ANO1: variants seen among roughly 807,000 people sequenced by gnomAD.
ANO1 encodes anoctamin 1, also known as anoctamin-1.
In ANO1, 59 loss-of-function variants were observed where a neutral mutation model predicts 124.0. The observed-to-expected ratio is 0.48, with a 90% CI of 0.39 to 0.59. The LOEUF (loss-of-function observed/expected upper bound fraction) is 0.59, where lower values mean the gene tolerates loss of function less well. Among genes scored for constraint, ANO1 ranks in the 20% least tolerant of loss-of-function variants. ANO1 has a pLI of 0.00. For synonymous variants in ANO1, 529 were observed against 532.0 expected, an observed-to-expected ratio of 0.99 and a Z score of 0.08; for missense variants, 1,059 against 1,328.0, an observed-to-expected ratio of 0.80 and a Z score of 3.15.
intron 8 of ANO1, among the ~76,000 whole-genome samples, chr11:70,121,178 C>G (rs1346656448): frequency 6.9e-6 from 1 of 144,004 alleles, no homozygotes; most frequent in East Asian, 2.3e-4. Flanking sequence ...CTCCCTCCCT[C>G]CTTCTCTCCC....
intron 1 of ANO1, among the ~76,000 whole-genome samples, chr11:69,990,435 A>C (rs1288404165): frequency 6.6e-6 from 1 of 152,212 alleles, no homozygotes; most frequent in Non-Finnish European, 1.5e-5. Flanking sequence ...GGCTATTTTG[A>C]AAATGCTGCA....
At chr11:70,106,495 C>G (rs1029041634) in intron 5 of ANO1, among the ~76,000 whole-genome samples, 1 of 152,162 alleles carries the variant, frequency 6.6e-6, no homozygotes, top group Non-Finnish European at 1.5e-5. Flanking sequence ...GACAACTACT[C>G]CTCATGACCA....
intron 2 of ANO1, among the ~76,000 whole-genome samples, chr11:70,091,224 G>T (rs894911587): frequency 6.6e-6 from 1 of 152,162 alleles, no homozygotes; most frequent in East Asian, 1.9e-4. Flanking sequence ...AGATTACAAC[G>T]AGCAAAGGGT....
At chr11:70,098,207 G>C (rs1476010566) in intron 2 of ANO1, among the ~76,000 whole-genome samples, 1 of 152,220 alleles carries the variant, frequency 6.6e-6, no homozygotes, top group African/African-American at 2.4e-5. Context: ...CGCAGGGCTG[G>C]GTGTTCTCCT....
At chr11:69,971,793 G>A in the ANO1 span, among the ~76,000 whole-genome samples, 1 of 152,112 alleles carries the variant, frequency 6.6e-6, no homozygotes, top group Non-Finnish European at 1.5e-5. Context: ...CTCCCCGTGT[G>A]TTTATGTAAC....
At chr11:70,053,992 T>A (rs1857393399) in intron 1 of ANO1, among the ~76,000 whole-genome samples, 1 of 152,246 alleles carries the variant, frequency 6.6e-6, no homozygotes, top group Non-Finnish European at 1.5e-5. Context: ...ACTGACATTA[T>A]CTTTTTCCTG....
At chr11:70,155,601 A>G (rs1158847031) in intron 14 of ANO1, among the ~76,000 whole-genome samples, 1 of 152,178 alleles carries the variant, frequency 6.6e-6, no homozygotes, top group African/African-American at 2.4e-5. Flanking sequence ...ACATTTGGCC[A>G]CTACCTCCCG....
the ANO1 span, among the ~76,000 whole-genome samples, chr11:69,976,553 A>AGGG: frequency 1.2e-5 from 1 of 86,112 alleles, no homozygotes; most frequent in Non-Finnish European, 2.3e-5. Context: ...AAAAAAAAAA[A>AGGG]AGAGAGAGAG....
At chr11:70,163,727 A>G (rs1217296078) in intron 19 of ANO1, 1 of 465,588 alleles carries the variant, frequency 2.1e-6, no homozygotes, top group Non-Finnish European at 3.8e-6. Flanking sequence ...ACCTGAGGTC[A>G]GGAGTTCGAG....
intron 1 of ANO1, among the ~76,000 whole-genome samples, chr11:70,067,695 C>T (rs560105894): frequency 1.5e-4 from 23 of 152,294 alleles, no homozygotes; most frequent in Admixed American, 1.0e-3. Flanking sequence ...CACAGGCACC[C>T]GGTGGATGCA....
At chr11:70,138,754 T>C (rs1565239274) in intron 11 of ANO1, among the ~76,000 whole-genome samples, 1 of 150,708 alleles carries the variant, frequency 6.6e-6, no homozygotes, top group Non-Finnish European at 1.5e-5. Flanking sequence ...TTTCATAACT[T>C]TTTTTTTTAG....
the ANO1 span, among the ~76,000 whole-genome samples, chr11:69,969,440 A>G: frequency 6.6e-6 from 1 of 152,052 alleles, no homozygotes; most frequent in Non-Finnish European, 1.5e-5. Context: ...GAAGGACTGG[A>G]GTCAAGCGGC....
chr11:70,006,663 C>CTTTTTT (rs56851839), intron 1 of ANO1, among the ~76,000 whole-genome samples: 7 of 89,000 alleles, frequency 7.9e-5, no homozygotes, highest in African/African-American at 1.3e-4. Flanking sequence ...TTTCTTCTTT[C>CTTTTTT]TTTTTTTTTT....
At chr11:70,144,137 T>G (rs1237586049) in intron 11 of ANO1, among the ~76,000 whole-genome samples, 1 of 152,134 alleles carries the variant, frequency 6.6e-6, no homozygotes, top group African/African-American at 2.4e-5. Flanking sequence ...TTTATATTTA[T>G]TTATATATAT....
chr11:70,067,110 G>A (rs1254187874), intron 1 of ANO1, among the ~76,000 whole-genome samples: 4 of 152,134 alleles, frequency 2.6e-5, no homozygotes, highest in East Asian at 3.9e-4. Context: ...ATATCAAGCA[G>A]TCATGAAGGG....
chr11:69,997,573 A>G (rs1004123343), intron 1 of ANO1, among the ~76,000 whole-genome samples: 2 of 152,162 alleles, frequency 1.3e-5, no homozygotes, highest in Non-Finnish European at 2.9e-5. Context: ...CCTTTGCACA[A>G]GCATTCTCCT....
intron 1 of ANO1, among the ~76,000 whole-genome samples, chr11:70,011,463 C>T (rs1856597242): frequency 6.6e-6 from 1 of 152,214 alleles, no homozygotes; most frequent in African/African-American, 2.4e-5. Context: ...CCCACACACC[C>T]AGGTACTCAG....
upstream of ANO1, among the ~76,000 whole-genome samples, chr11:70,076,187 G>A (rs964953739): frequency 3.3e-5 from 5 of 152,240 alleles, no homozygotes; most frequent in Non-Finnish European, 1.5e-5. Context: ...AGAAAGTGGA[G>A]TCTTACAGGC....
chr11:70,133,230 C>T (rs974170470), intron 11 of ANO1, among the ~76,000 whole-genome samples: 17 of 152,146 alleles, frequency 1.1e-4, no homozygotes, highest in African/African-American at 3.4e-4. Flanking sequence ...AGCCAGGTTG[C>T]GGGGCTCTGT....
Sources: gnomAD v4.1 joint callset for allele counts (sites outside exome capture counted in the v4.1 genomes callset) on GRCh38, gnomAD v4.1.1 for gene constraint, MANE v1.5 for transcripts, NCBI Gene and HGNC (gene_info 2026-07-23, HGNC 2026-07-21) for gene names.